USP34: variants seen among roughly 807,000 people sequenced by gnomAD.
USP34 encodes ubiquitin carboxyl-terminal hydrolase 34.
USP34 carries 70 observed loss-of-function variants against 460.3 expected under a neutral mutation model. That is an observed-to-expected ratio of 0.15 (90% CI 0.13 to 0.19). The LOEUF (loss-of-function observed/expected upper bound fraction) is 0.19, where lower values mean the gene tolerates loss of function less well. USP34 is among the 10% of genes least tolerant of loss of function. The pLI, the probability that USP34 is intolerant of heterozygous loss-of-function variation, is 1.00. For synonymous variants in USP34, 1,647 were observed against 1,405.3 expected, an observed-to-expected ratio of 1.17 and a Z score of -3.85; for missense variants, 3,985 against 4,236.2, an observed-to-expected ratio of 0.94 and a Z score of 1.65.
chr2:61,341,755 CTTTTTTT>C (rs896288474), intron 16 of USP34, among the ~76,000 whole-genome samples: 8 of 91,750 alleles, frequency 8.7e-5, no homozygotes, highest in Non-Finnish European at 6.4e-5. Flanking sequence ...TCAGGTCTTT[CTTTTTTT>C]TTTTTTTTTT....
In USP34 at chr2:61,241,491, A is replaced by G. The variant is rs962207936; in HGVS notation, c.6777+69T>C. ...ATCAACCTGTAGAACCTGTTCTTAC[A>G]CTACAGTATTCCTTGCATAAACACT... On this transcript the variant is annotated intron_variant, in intron 53 of 79. Coordinates refer to ENST00000398571, the MANE Select transcript of USP34 (RefSeq NM_014709.4). 7 of 1,128,870 alleles carry G rather than the reference A, an allele frequency of 6.2e-6. No homozygotes were observed. In the African/African-American group the frequency reaches 1.1e-4, roughly 18 times the overall value. The allele number at this position is 1,128,870 out of a possible 1,614,324, so 69.9% of individuals were successfully genotyped here. A position where few individuals can be genotyped will look rare whatever the true frequency, so the allele number is the denominator to read the frequency against.
intron 1 of USP34, among the ~76,000 whole-genome samples, chr2:61,451,342 A>C (rs1231118176): frequency 6.6e-6 from 1 of 152,068 alleles, no homozygotes; most frequent in Non-Finnish European, 1.5e-5. Context: ...ATGAAATAAT[A>C]AACAGCTTAA....
chr2:61,403,468 A>G (rs1276788910), intron 3 of USP34, among the ~76,000 whole-genome samples: 1 of 152,136 alleles, frequency 6.6e-6, no homozygotes, highest in African/African-American at 2.4e-5. Context: ...CACTATGTAG[A>G]TGGTGTTTAT....
At chr2:61,391,058 G>T (rs1693329861) in intron 5 of USP34, among the ~76,000 whole-genome samples, 1 of 151,574 alleles carries the variant, frequency 6.6e-6, no homozygotes, top group Non-Finnish European at 1.5e-5. Flanking sequence ...TCATACCACT[G>T]CACTCCAGCC....
chr2:61,213,883 T>C (rs956191634), intron 68 of USP34, among the ~76,000 whole-genome samples, 177 bp downstream of exon 68: 10 of 152,212 alleles, frequency 6.6e-5, no homozygotes, highest in African/African-American at 2.2e-4. Flanking sequence ...TACACAGTTA[T>C]CAATTTTATA....
chr2:61,366,300 G>A (rs2103825682), intron 10 of USP34, among the ~76,000 whole-genome samples: 1 of 152,342 alleles, frequency 6.6e-6, no homozygotes, highest in South Asian at 2.1e-4. Flanking sequence ...TATAGAGGAG[G>A]TAGGTGAGAT....
At chr2:61,329,476 T>C (rs916823800) in intron 20 of USP34, among the ~76,000 whole-genome samples, 1 of 152,152 alleles carries the variant, frequency 6.6e-6, no homozygotes, top group Non-Finnish European at 1.5e-5. Context: ...ACATCCTGTA[T>C]AGAGGGAACT....
intron 1 of USP34, among the ~76,000 whole-genome samples, chr2:61,466,452 T>C (rs1431397558): frequency 3.9e-5 from 6 of 151,950 alleles, no homozygotes; most frequent in Non-Finnish European, 8.8e-5. Context: ...ATGATACAGT[T>C]TCAAATAGCT....
At chr2:61,393,431 A>G (rs1693415563) in intron 5 of USP34, among the ~76,000 whole-genome samples, 1 of 110,582 alleles carries the variant, frequency 9.0e-6, no homozygotes, top group Non-Finnish European at 2.0e-5. Context: ...ACTCCGTCTA[A>G]AAAAAAAAAA....
chr2:61,227,136 T>C lies in USP34; in HGVS notation c.7526A>G (p.Tyr2509Cys). 1 of 1,614,098 alleles carries C rather than the reference T, an allele frequency of 6.2e-7. No individual in the cohort carries two copies. The highest frequency in any genetic ancestry group is 1.3e-5 in the African/African-American group (1 of 75,062). Residue 2509 changes from tyrosine (Y) to cysteine (C), a missense_variant, in exon 62 of 80, where the codon TAC becomes TGC. Physicochemically the swap from Tyr to Cys is radical, Grantham distance 194. Coordinates refer to ENST00000398571, the MANE Select transcript of USP34 (RefSeq NM_014709.4). ...EDILSLAEEK[Y>C]RPAALEKMIA... ...CATCTTTTCAAGGGCAGCTGGCCTG[T>C]ATTTTTCTTCTGCCAGAGAGAGGAT...
chr2:61,405,254 A>G (rs112857277), intron 3 of USP34, among the ~76,000 whole-genome samples: 24,770 of 92,474 alleles, frequency 0.27, 2,438 homozygotes, highest in Non-Finnish European at 0.28. Flanking sequence ...AAAAAAAAAA[A>G]AAAGAAAGAA....
intron 35 of USP34, among the ~76,000 whole-genome samples, chr2:61,283,821 A>AT (rs1287236600): frequency 2.0e-5 from 3 of 150,522 alleles, no homozygotes; most frequent in Non-Finnish European, 4.4e-5. Context: ...GAGCTCCATT[A>AT]TTTATTTGTT....
chr2:61,403,092 G>C (rs1485632399), intron 3 of USP34, among the ~76,000 whole-genome samples: 1 of 152,110 alleles, frequency 6.6e-6, no homozygotes, highest in African/African-American at 2.4e-5. Flanking sequence ...TTTGGTATAA[G>C]GAGGTAACTC....
At chr2:61,265,023 C>T (rs1272296138) in intron 43 of USP34, among the ~76,000 whole-genome samples, 1 of 152,180 alleles carries the variant, frequency 6.6e-6, no homozygotes, top group Non-Finnish European at 1.5e-5. Context: ...TCTGGTAATA[C>T]TTCTCTACTT....
chr2:61,220,965 A>G (rs1035281628), intron 66 of USP34, among the ~76,000 whole-genome samples: 5 of 100,838 alleles, frequency 5.0e-5, no homozygotes, highest in Admixed American at 8.5e-5. Flanking sequence ...TTTTATTGAA[A>G]CACACCCATA....
chr2:61,190,257 T>G lies in USP34; in HGVS notation c.9873+14A>C. ...GTTTAAAAGTGTGTGCCGCCGCCTC[T>G]GCATAGTTCTTACCCCATTTAAAGA... On this transcript the variant is annotated intron_variant, in intron 78 of 79. Transcript: ENST00000398571. The G allele has an allele frequency of 1.9e-6, 3 of 1,598,444 alleles. No individual in the cohort carries two copies. Among genetic ancestry groups the G allele is most frequent in the Non-Finnish European group, 2.6e-6 (3 of 1,174,724 alleles).
Position 61,348,137 on chromosome 2 carries a change from T to C in USP34, c.2018A>G (p.Lys673Arg), listed in dbSNP as rs781763116. The change falls in exon 15 of 80, where the codon AAG (lysine) becomes AGG (arginine). Residue 673 changes from lysine to arginine, a missense_variant. By Grantham distance (26) the Lys-to-Arg change is conservative. Around this residue, in one of 14 missense-constraint regions of USP34, gnomAD observed 716 missense variants for 626.2 expected, o/e 1.14. Transcript: ENST00000398571. ...ERNGTSSGTG[K>R]DLVFNTESLP... Reference sequence around the variant, plus strand: ...TGATTCAGTGTTAAAAACCAGGTCCTTTCCTGTTCCGCTGCTTGTCCCATT... The same window carrying C: ...TGATTCAGTGTTAAAAACCAGGTCCCTTCCTGTTCCGCTGCTTGTCCCATT... 6.2e-7 allele frequency: 1 copy of C among 1,614,234 alleles called. No homozygotes were observed.
chr2:61,429,996 G>A (rs776911662), intron 1 of USP34, among the ~76,000 whole-genome samples: 328 of 152,118 alleles, frequency 2.2e-3, no homozygotes, highest in Non-Finnish European at 3.5e-3. Context: ...GGTGGATCAC[G>A]AGGTCAGGAG....
intron 5 of USP34, among the ~76,000 whole-genome samples, chr2:61,392,459 A>AC (rs2103895654): frequency 6.6e-6 from 1 of 152,246 alleles, no homozygotes; most frequent in East Asian, 1.9e-4. Context: ...CCCCGGGTCT[A>AC]CTAAAAATAC....
Sources: gnomAD v4.1 joint callset for allele counts (sites outside exome capture counted in the v4.1 genomes callset) on GRCh38, gnomAD v4.1.1 for gene constraint, gnomAD v4.1.1 regional missense constraint, MANE v1.5 for transcripts, NCBI Gene and HGNC (gene_info 2026-07-23, HGNC 2026-07-21) for gene names.